The following MYT1L variants were observed in gnomAD, a reference collection of about 807,000 sequenced individuals.
MYT1L encodes myelin transcription factor 1 like.
Under a neutral mutation model 126.7 loss-of-function variants are expected in MYT1L, and 12 were observed. That is an observed-to-expected ratio of 0.09 (90% CI 0.06 to 0.15). The LOEUF is 0.15. MYT1L is among the 10% of genes least tolerant of loss of function. The pLI, the probability that MYT1L is intolerant of heterozygous loss-of-function variation, is 1.00. For missense variants in MYT1L, 979 were observed against 1,585.2 expected (o/e 0.62, Z 6.49); for synonymous variants, 541 against 604.2 (o/e 0.90, Z 1.53).
intron 2 of MYT1L, among the ~76,000 whole-genome samples, chr2:2,251,552 C>T (rs1301983460): frequency 6.6e-6 from 1 of 152,122 alleles, no homozygotes; most frequent in Non-Finnish European, 1.5e-5. Context: ...CGCTATTATT[C>T]CAAGGAATGC....
intron 2 of MYT1L, among the ~76,000 whole-genome samples, chr2:2,220,285 T>G (rs191960066): frequency 6.6e-6 from 1 of 152,046 alleles, no homozygotes; most frequent in Non-Finnish European, 1.5e-5. Context: ...AAGAAAAACA[T>G]TGATATGGTT....
chr2:2,232,482 T>A (rs2094184457), intron 2 of MYT1L, among the ~76,000 whole-genome samples: 1 of 152,244 alleles, frequency 6.6e-6, no homozygotes, highest in South Asian at 2.1e-4. Context: ...TTAATTTCTC[T>A]CGGCCCAAGT....
At chr2:2,277,628 G>C (rs1254500393) in intron 2 of MYT1L, among the ~76,000 whole-genome samples, 4 of 152,144 alleles carry the variant, frequency 2.6e-5, no homozygotes, top group African/African-American at 7.2e-5. Context: ...CCTGTAATAG[G>C]GATGAGTTAG....
intron 3 of MYT1L, among the ~76,000 whole-genome samples, chr2:2,099,327 A>G (rs954955334): frequency 1.3e-5 from 2 of 151,786 alleles, no homozygotes; most frequent in African/African-American, 2.4e-5. Flanking sequence ...TTATGCTTCA[A>G]TTTTTAAATG....
chr2:1,968,906 C>G (rs539294970), intron 8 of MYT1L, among the ~76,000 whole-genome samples: 1 of 152,252 alleles, frequency 6.6e-6, no homozygotes, highest in South Asian at 2.1e-4. Flanking sequence ...CTGGGCCCCT[C>G]CTGCGTGTGC....
At chr2:2,159,546 G>A (rs971195952) in intron 3 of MYT1L, among the ~76,000 whole-genome samples, 1 of 152,024 alleles carries the variant, frequency 6.6e-6, no homozygotes. Flanking sequence ...CGCGGGCTGT[G>A]TTCAGACCAG....
intron 2 of MYT1L, among the ~76,000 whole-genome samples, chr2:2,210,949 G>T (rs1186433108): frequency 6.6e-6 from 1 of 151,668 alleles, no homozygotes; most frequent in South Asian, 2.1e-4. Flanking sequence ...TTACTTCTTT[G>T]GTTAAGTTAC....
At chr2:1,851,595 CA>C in intron 19 of MYT1L, 45 bp downstream of exon 19, 4 of 1,570,820 alleles carry the variant, frequency 2.5e-6, no homozygotes, top group Non-Finnish European at 3.5e-6. Context: ...CCTGCCATTT[CA>C]GTGAGAAAGA....
At chr2:2,316,254 C>A (rs969092214) in intron 1 of MYT1L, among the ~76,000 whole-genome samples, 16 of 152,240 alleles carry the variant, frequency 1.1e-4, no homozygotes, top group Admixed American at 8.5e-4. Flanking sequence ...TTCAGGCCCA[C>A]TCTTTTGAGT....
chr2:2,250,734 C>T (rs916862029), intron 2 of MYT1L, among the ~76,000 whole-genome samples: 1 of 151,932 alleles, frequency 6.6e-6, no homozygotes, highest in African/African-American at 2.4e-5. Context: ...TTGATTATTA[C>T]ACATTGCATG....
At chr2:2,125,802 C>A (rs1224554492) in intron 3 of MYT1L, among the ~76,000 whole-genome samples, 1 of 152,270 alleles carries the variant, frequency 6.6e-6, no homozygotes, top group South Asian at 2.1e-4. Flanking sequence ...CCATTAATAT[C>A]ATCAACCTAA....
chr2:2,086,417 C>T (rs1038920679), intron 3 of MYT1L, among the ~76,000 whole-genome samples: 7 of 152,100 alleles, frequency 4.6e-5, no homozygotes, highest in African/African-American at 1.7e-4. Context: ...TTATGGAAGG[C>T]GGTGGTGAAA....
rs1271441754 is a variant in MYT1L, at chr2:1,910,421, C to T, written c.1710-74G>A. 1.5e-6 allele frequency: 2 copies of T among 1,369,052 alleles called. No homozygotes were observed. The highest frequency in any genetic ancestry group is 2.0e-6 in the Non-Finnish European group (2 of 977,654). The allele number at this position is 1,369,052 out of a possible 1,614,324, so 84.8% of individuals were successfully genotyped here. A position where few individuals can be genotyped will look rare whatever the true frequency, so the allele number is the denominator to read the frequency against. Reference sequence around the variant, plus strand: ...CAGCACACTAATCCTCCCTTAGCACCAAGACCCTGATGCAGGTGGAGCTGG... The same window carrying T: ...CAGCACACTAATCCTCCCTTAGCACTAAGACCCTGATGCAGGTGGAGCTGG... On this transcript the variant is annotated intron_variant, in intron 12 of 24. Transcript: ENST00000647738. This position sits in a 1 kb window ranked among gnomAD's most constrained non-coding sequence, Gnocchi z 4.8.
intron 8 of MYT1L, among the ~76,000 whole-genome samples, chr2:1,972,438 T>C (rs1366045960): frequency 6.6e-6 from 1 of 152,236 alleles, no homozygotes; most frequent in Non-Finnish European, 1.5e-5. Context: ...AGGGGAGATA[T>C]AGGAACTCCT....
At chr2:1,934,879 A>C (rs1367881475) in intron 9 of MYT1L, among the ~76,000 whole-genome samples, 1 of 152,122 alleles carries the variant, frequency 6.6e-6, no homozygotes, top group Non-Finnish European at 1.5e-5. Context: ...CAGAGATAAG[A>C]CTGTGAAAAT....
chr2:2,166,898 C>T (rs1422889097), intron 3 of MYT1L, among the ~76,000 whole-genome samples: 3 of 152,130 alleles, frequency 2.0e-5, no homozygotes, highest in African/African-American at 7.2e-5. Flanking sequence ...CTGCATCCTG[C>T]TTTTTTCTTT....
At chr2:2,066,346 G>A (rs1031241160) in intron 3 of MYT1L, among the ~76,000 whole-genome samples, 1 of 152,092 alleles carries the variant, frequency 6.6e-6, no homozygotes, top group African/African-American at 2.4e-5. Context: ...AGTGAGGCAG[G>A]AACCCCTGGC....
chr2:2,321,210 A>T (rs2149693154), intron 1 of MYT1L, among the ~76,000 whole-genome samples: 1 of 152,328 alleles, frequency 6.6e-6, no homozygotes, highest in Middle Eastern at 3.4e-3. Context: ...CTGGATTCTG[A>T]AAAGCTCTTG....
chr2:2,183,512 T>G (rs1187440888), intron 2 of MYT1L, among the ~76,000 whole-genome samples: 2 of 152,176 alleles, frequency 1.3e-5, no homozygotes, highest in African/African-American at 4.8e-5. Context: ...GCACAAAGCT[T>G]GCAAGAGAGT....
Sources: allele counts gnomAD v4.1 joint callset (sites outside exome capture counted in the v4.1 genomes callset), GRCh38; gene constraint gnomAD v4.1.1; non-coding constraint Gnocchi (gnomAD v3.1); transcripts MANE v1.5; gene names NCBI Gene and HGNC (gene_info 2026-07-23, HGNC 2026-07-21).